Variants in FER1L5 observed in about 807,000 individuals in gnomAD.
The protein encoded by FER1L5 is fer-1 like family member 5.
FER1L5 carries 187 observed loss-of-function variants against 279.9 expected under a neutral mutation model. The ratio of observed to expected loss-of-function variants is 0.67; its 90% CI spans 0.59 to 0.75. The LOEUF (loss-of-function observed/expected upper bound fraction) is 0.75, where lower values mean the gene tolerates loss of function less well. Ranked by LOEUF, FER1L5 falls within the 30% of genes least tolerant of loss-of-function variation. The pLI is 0.00. For missense variants in FER1L5, 2,091 were observed against 2,594.4 expected (o/e 0.81, Z 4.21); for synonymous variants, 921 against 989.7 (o/e 0.93, Z 1.30).
At chr2:96,649,527 G>A (rs1042454477) in intron 4 of FER1L5, 96 bp from the exon 5 acceptor site, 1 of 1,148,092 alleles carries the variant, frequency 8.7e-7, no homozygotes, top group South Asian at 1.4e-5. Flanking sequence ...CCACCAGGAG[G>A]ACCAGGTGTG....
At chr2:96,668,591 G>A (rs1021624238) in intron 14 of FER1L5, among the ~76,000 whole-genome samples, 160 bp from the exon 15 acceptor site, 4 of 152,066 alleles carry the variant, frequency 2.6e-5, no homozygotes, top group African/African-American at 9.7e-5. Context: ...AGCTCGATTC[G>A]CTTGGTTCAA....
intron 19 of FER1L5, among the ~76,000 whole-genome samples, chr2:96,673,862 C>G (rs2076417085): frequency 6.6e-6 from 1 of 152,172 alleles, no homozygotes; most frequent in Admixed American, 6.5e-5. Context: ...TTATCAGGCC[C>G]TGCAGGTGAC....
chr2:96,670,306 A>T, intron 18 of FER1L5, 59 bp downstream of exon 18: 1 of 1,541,290 alleles, frequency 6.5e-7, no homozygotes, highest in Non-Finnish European at 8.8e-7. Context: ...CCCCGGATCT[A>T]CTGTGGATCC....
intron 18 of FER1L5, among the ~76,000 whole-genome samples, chr2:96,671,843 C>T (rs183869133): frequency 6.6e-6 from 1 of 152,092 alleles, no homozygotes; most frequent in African/African-American, 2.4e-5. Flanking sequence ...AGAGAAAGGG[C>T]GAGGACTGAG....
chr2:96,676,349 T>C (rs1022183687), intron 19 of FER1L5, among the ~76,000 whole-genome samples: 1 of 152,190 alleles, frequency 6.6e-6, no homozygotes, highest in African/African-American at 2.4e-5. Context: ...GTATTTTTAG[T>C]AGAGATGGAG....
In FER1L5 at chr2:96,700,593, G is replaced by A. The variant is rs563925611; in HGVS notation, c.5070+122G>A. ...AAGGACAGGCCAAACATTTAGTAAT[G>A]TACATGCACAGAAGACAAGCATGCT... On this transcript the variant is annotated intron_variant, in intron 45 of 52. Transcript: ENST00000624922. 2.0e-5 allele frequency: 26 copies of A among 1,301,042 alleles called. No homozygotes were observed. The African/African-American group carries it at 3.2e-4, about 16-fold the overall frequency. The allele number at this position is 1,301,042 out of a possible 1,614,324, so 80.6% of individuals were successfully genotyped here. A position where few individuals can be genotyped will look rare whatever the true frequency, so the allele number is the denominator to read the frequency against.
At position 96,696,202 on chromosome 2, in the gene FER1L5, TG is replaced by T. The variant is rs1282596258; in HGVS notation, c.4083+126del. 9 of 1,207,634 alleles carry T rather than the reference TG, an allele frequency of 7.5e-6. No individual in the cohort carries two copies. The Admixed American group carries it at 1.6e-4, about 22-fold the overall frequency. 74.8% of individuals were successfully genotyped at this position (1,207,634 alleles called of 1,614,324 possible). The stretch of plus-strand genomic sequence containing the variant: ...CCCAACTGTGAGGCCCACCTCGCTC[TG>T]TAGGGTCCTCAGCCTATAGGGTCTC... On this transcript the variant is annotated intron_variant, in intron 37 of 52. Transcript: ENST00000624922.
rs148412132 is a variant in FER1L5 at position 96,700,523 on chromosome 2, G to A, written c.5070+52G>A. The A allele has an allele frequency of 4.7e-4, 751 of 1,606,530 alleles. 5 individuals are homozygous for A. The African/African-American group carries it at 8.8e-3, about 19-fold the overall frequency. On this transcript the variant is annotated intron_variant, in intron 45 of 52. Coordinates refer to ENST00000624922, the MANE Select transcript of FER1L5 (RefSeq NM_001293083.2). ...GCTCCTACAGGAGGAGCTAGATCAG[G>A]AGACAGAGATGCCTGTCCACCCAGG...
chr2:96,689,456 G>A lies in FER1L5; in HGVS notation c.2525+80G>A, dbSNP rs139476151. The A allele has an allele frequency of 3.1e-5, 47 of 1,527,464 alleles. No homozygotes were observed. The highest frequency in any genetic ancestry group is 3.9e-5 in the Non-Finnish European group (44 of 1,136,566). 94.6% of individuals were successfully genotyped at this position (1,527,464 alleles called of 1,614,324 possible). A position where few individuals can be genotyped will look rare whatever the true frequency, so the allele number is the denominator to read the frequency against. Reference sequence around the variant, plus strand: ...AGTCCGCGGCAGCCCAGAAAGATGGGTACCTAGCCCCTAAGCCTGGTGCCA... The same window carrying A: ...AGTCCGCGGCAGCCCAGAAAGATGGATACCTAGCCCCTAAGCCTGGTGCCA... On this transcript the variant is annotated intron_variant, in intron 25 of 52. Coordinates refer to ENST00000624922, the MANE Select transcript of FER1L5 (RefSeq NM_001293083.2). This position sits in a 1 kb window ranked among gnomAD's most constrained non-coding sequence, Gnocchi z 4.6.
Position 96,647,904 on chromosome 2 carries a change from A to C in FER1L5, c.339+18A>C. 6.5e-7 allele frequency: 1 copy of C among 1,536,136 alleles called. No homozygotes were observed. The highest frequency in any genetic ancestry group is 2.0e-5 in the Admixed American group (1 of 50,974). On this transcript the variant is annotated intron_variant, in intron 4 of 52. Transcript: ENST00000624922. The stretch of plus-strand genomic sequence containing the variant: ...CCACAGATGTGAGTCAGGCCCAGGA[A>C]GGCCCAGGCAGGGTGGCTGGAGGAA...
rs1227213660 is a variant in FER1L5 at position 96,698,753 on chromosome 2, A to G, written c.4439A>G (p.Glu1480Gly). ...CAGTTCTTGGTTTGGCCAGAGAGAGAGGACTTCCCCCAGCCGTGCTTGGTG... is the reference window on the plus strand; with the variant it reads ...CAGTTCTTGGTTTGGCCAGAGAGAGGGGACTTCCCCCAGCCGTGCTTGGTG... The part of the protein sequence containing the change: ...PLQFLVWPER[E>G]DFPQPCLVRV... The change falls in exon 41 of 53, where the codon GAG (glutamate) becomes GGG (glycine). Residue 1480 changes from glutamate (E) to glycine (G), a missense_variant. Coordinates refer to ENST00000624922, the MANE Select transcript of FER1L5 (RefSeq NM_001293083.2). The surrounding 1 kb of genome is among the most constrained non-coding windows in gnomAD (Gnocchi z 5.5). 1.3e-6 allele frequency: 2 copies of G among 1,572,540 alleles called. No individual in the cohort carries two copies. The highest frequency in any genetic ancestry group is 2.4e-5 in the East Asian group (1 of 42,226).
chr2:96,702,414 A>G lies in FER1L5; in HGVS notation c.5255+13A>G, dbSNP rs1333293569. ...TCTACATCAAAGGGTAGGGAAGAGG[A>G]GTCAGGCTCCGGCAGAGCCCCTCAG... On this transcript the variant is annotated intron_variant, in intron 47 of 52. Coordinates refer to ENST00000624922, the MANE Select transcript of FER1L5 (RefSeq NM_001293083.2). The surrounding 1 kb of genome is among the most constrained non-coding windows in gnomAD (Gnocchi z 4.0). 6.2e-6 allele frequency: 10 copies of G among 1,604,920 alleles called. No individual in the cohort carries two copies. Among genetic ancestry groups the G allele is most frequent in the Non-Finnish European group, 8.5e-6 (10 of 1,176,024 alleles).
chr2:96,673,400 G>A, intron 19 of FER1L5, 146 bp downstream of exon 19: 1 of 911,620 alleles, frequency 1.1e-6, no homozygotes, highest in Non-Finnish European at 1.5e-6. Context: ...GTTCAGGGAG[G>A]TGAAGTCATT....
chr2:96,693,759 T>C (rs1450590692), intron 32 of FER1L5, 72 bp downstream of exon 32: 2 of 1,497,208 alleles, frequency 1.3e-6, no homozygotes, highest in African/African-American at 1.4e-5. Context: ...TTATTTTAGA[T>C]GAAAATGTAT....
chr2:96,659,556 A>G (rs762735545), intron 9 of FER1L5, among the ~76,000 whole-genome samples: 1 of 146,358 alleles, frequency 6.8e-6, no homozygotes, highest in Non-Finnish European at 1.5e-5. Flanking sequence ...CAGTGGCGCA[A>G]TCTCGGCTCA....
chr2:96,675,936 A>G (rs544951644), intron 19 of FER1L5, among the ~76,000 whole-genome samples: 12 of 152,278 alleles, frequency 7.9e-5, no homozygotes, highest in East Asian at 3.9e-4. Flanking sequence ...TTGATTATCA[A>G]TTTTATAGTT....
intron 19 of FER1L5, among the ~76,000 whole-genome samples, chr2:96,683,899 AT>A (rs2106634038): frequency 6.6e-6 from 1 of 152,254 alleles, no homozygotes; most frequent in African/African-American, 2.4e-5. Flanking sequence ...TGTGGCACCC[AT>A]CGGGGGTGTT....
intron 14 of FER1L5, among the ~76,000 whole-genome samples, chr2:96,667,472 C>T (rs1369255919): frequency 2.0e-5 from 3 of 151,894 alleles, no homozygotes; most frequent in African/African-American, 4.8e-5. Flanking sequence ...CTCAGCCTCC[C>T]GAGTAGCTGG....
intron 51 of FER1L5, 32 bp from the exon 52 acceptor site, chr2:96,704,183 C>G: frequency 6.2e-7 from 1 of 1,608,808 alleles, no homozygotes; most frequent in Non-Finnish European, 8.5e-7. Flanking sequence ...TTCTCCCTGC[C>G]ATTCTCTGAC....
Sources: gnomAD v4.1 joint callset for allele counts (sites outside exome capture counted in the v4.1 genomes callset) on GRCh38, gnomAD v4.1.1 for gene constraint, Gnocchi (gnomAD v3.1) non-coding constraint, MANE v1.5 for transcripts, NCBI Gene and HGNC (gene_info 2026-07-23, HGNC 2026-07-21) for gene names.